CFAP54: variants seen among roughly 807,000 people sequenced by gnomAD.
CFAP54 encodes cilia and flagella associated protein 54.
Under a neutral mutation model 370.4 loss-of-function variants are expected in CFAP54, and 290 were observed. That is an observed-to-expected ratio of 0.78 (90% CI 0.71 to 0.86). The LOEUF (loss-of-function observed/expected upper bound fraction) is 0.86. CFAP54 is among the 40% of genes least tolerant of loss of function. The pLI, the probability that CFAP54 is intolerant of heterozygous loss-of-function variation, is 0.00. For synonymous variants in CFAP54, 1,206 were observed against 1,236.5 expected, an observed-to-expected ratio of 0.98 and a Z score of 0.52; for missense variants, 3,399 against 3,528.7, an observed-to-expected ratio of 0.96 and a Z score of 0.93.
In CFAP54 at chr12:96,654,832, A is replaced by ATTTTTTTTTTTTTT. The variant is rs10631171; in HGVS notation, c.5100+3020_5100+3033dup. Reference sequence around the variant, plus strand: ...TTTTGTGTCTGGCTCATTTCACTTAATTTTTTTTTTTTTTTTAAGAAATGA... The same window carrying ATTTTTTTTTTTTTT: ...TTTTGTGTCTGGCTCATTTCACTTAATTTTTTTTTTTTTTTTTTTTTTTTTTTTTTAAGAAATGA... On this transcript the variant is annotated intron_variant, in intron 36 of 67. Coordinates refer to ENST00000524981, the MANE Select transcript of CFAP54 (RefSeq NM_001306084.2). Among the ~76,000 whole-genome samples the ATTTTTTTTTTTTTT allele has an allele frequency of 6.6e-4, 87 of 132,082 alleles. 2 individuals are homozygous for ATTTTTTTTTTTTTT. The highest frequency in any genetic ancestry group is 2.1e-3 in the African/African-American group (80 of 37,722). 86.7% of individuals were successfully genotyped at this position (132,082 alleles called of 152,430 possible).
intron 46 of CFAP54, among the ~76,000 whole-genome samples, chr12:96,704,061 C>G (rs1957519368): frequency 6.6e-6 from 1 of 152,028 alleles, no homozygotes; most frequent in Non-Finnish European, 1.5e-5. Flanking sequence ...CTGAAGTTTA[C>G]AAATAATGAT....
At chr12:96,529,602 A>G (rs897725271) in intron 9 of CFAP54, among the ~76,000 whole-genome samples, 8 of 152,202 alleles carry the variant, frequency 5.3e-5, no homozygotes, top group Non-Finnish European at 1.0e-4. Flanking sequence ...CTGATGACTA[A>G]TAAAGTTAAA....
intron 52 of CFAP54, among the ~76,000 whole-genome samples, chr12:96,742,810 G>A (rs1958067402): frequency 6.6e-6 from 1 of 152,098 alleles, no homozygotes; most frequent in African/African-American, 2.4e-5. Context: ...AACAGATAAA[G>A]CAATTTCATA....
intron 50 of CFAP54, among the ~76,000 whole-genome samples, chr12:96,732,748 T>C (rs1387771516): frequency 6.6e-6 from 1 of 152,194 alleles, no homozygotes; most frequent in Admixed American, 6.5e-5. Context: ...TAGCTATCTT[T>C]AAGGACACAT....
chr12:96,732,912 T>C (rs1471564001), intron 50 of CFAP54, among the ~76,000 whole-genome samples: 2 of 152,188 alleles, frequency 1.3e-5, no homozygotes, highest in East Asian at 3.8e-4. Context: ...CTAGAAAATA[T>C]TTATCAATAC....
chr12:96,856,090 G>T (rs1959696802), intron 66 of CFAP54, among the ~76,000 whole-genome samples: 3 of 152,134 alleles, frequency 2.0e-5, no homozygotes, highest in Admixed American at 2.0e-4. Flanking sequence ...TGATGCCATG[G>T]CCTGAGCTGT....
intron 50 of CFAP54, among the ~76,000 whole-genome samples, chr12:96,726,955 C>G (rs371051885): frequency 1.4e-4 from 21 of 152,146 alleles, no homozygotes; most frequent in African/African-American, 2.4e-4. Flanking sequence ...TTCAGGAGCA[C>G]GTTGTTCAGT....
intron 32 of CFAP54, among the ~76,000 whole-genome samples, chr12:96,630,940 T>C (rs982297628): frequency 6.6e-6 from 1 of 151,980 alleles, no homozygotes; most frequent in African/African-American, 2.4e-5. Context: ...GAGAACAAAT[T>C]GGTAAATTAT....
chr12:96,668,334 A>G (rs1398121274), intron 39 of CFAP54, among the ~76,000 whole-genome samples: 1 of 152,198 alleles, frequency 6.6e-6, no homozygotes. Flanking sequence ...TCATGCTGCT[A>G]ATAAAGACTT....
At chr12:96,871,637 T>C (rs548258056) in intron 67 of CFAP54, among the ~76,000 whole-genome samples, 181 of 152,146 alleles carry the variant, frequency 1.2e-3, no homozygotes, top group African/African-American at 4.1e-3. Context: ...ATAATATACA[T>C]GTAAAATAAT....
chr12:96,602,274 GT>G (rs1956250927), intron 26 of CFAP54, among the ~76,000 whole-genome samples: 1 of 152,196 alleles, frequency 6.6e-6, no homozygotes, highest in Non-Finnish European at 1.5e-5. Flanking sequence ...TTTTGAGTGA[GT>G]TTCTTAATCC....
At chr12:96,588,150 T>A (rs945701506) in intron 22 of CFAP54, among the ~76,000 whole-genome samples, 1 of 151,408 alleles carries the variant, frequency 6.6e-6, no homozygotes, top group Non-Finnish European at 1.5e-5. Flanking sequence ...TTTCTTTTCA[T>A]TTTTTTTTCA....
intron 1 of CFAP54, 146 bp downstream of exon 1, chr12:96,490,072 A>G: frequency 2.8e-6 from 2 of 708,388 alleles, no homozygotes; most frequent in Non-Finnish European, 4.6e-6. Context: ...ACAAAGTTTA[A>G]GAAGTGGAGA....
At chr12:96,871,871 G>A (rs1054104394) in intron 67 of CFAP54, among the ~76,000 whole-genome samples, 2 of 152,008 alleles carry the variant, frequency 1.3e-5, no homozygotes, top group African/African-American at 4.8e-5. Context: ...AGAAAAAAAT[G>A]ATTTTCAAAA....
intron 15 of CFAP54, among the ~76,000 whole-genome samples, chr12:96,552,263 AAAAG>A (rs1592847404): frequency 6.6e-6 from 1 of 151,878 alleles, no homozygotes; most frequent in East Asian, 1.9e-4. Flanking sequence ...AAAAAAAAAA[AAAAG>A]AATAAAAGAA....
chr12:96,532,349 G>A (rs991508943), intron 9 of CFAP54, among the ~76,000 whole-genome samples: 4 of 152,200 alleles, frequency 2.6e-5, no homozygotes, highest in African/African-American at 4.8e-5. Flanking sequence ...TGAGTTTAGT[G>A]TGTGGGTGTG....
intron 19 of CFAP54, among the ~76,000 whole-genome samples, chr12:96,569,073 A>G (rs909305225): frequency 5.0e-4 from 52 of 103,580 alleles, no homozygotes; most frequent in Non-Finnish European, 9.0e-4. Context: ...CTGGTCAAAT[A>G]TAGTATCATT....
chr12:96,548,851 G>GGT (rs986616040), intron 15 of CFAP54, among the ~76,000 whole-genome samples: 1 of 151,302 alleles, frequency 6.6e-6, no homozygotes, highest in Admixed American at 6.6e-5. Flanking sequence ...AAGTTCCTCC[G>GGT]GTAGATTTTT....
At chr12:96,809,170 CT>C (rs1958908218) in intron 63 of CFAP54, among the ~76,000 whole-genome samples, 1 of 152,232 alleles carries the variant, frequency 6.6e-6, no homozygotes, top group Non-Finnish European at 1.5e-5. Context: ...TGGTGTGAGT[CT>C]TTCATCTGTT....
Sources: allele counts gnomAD v4.1 joint callset (sites outside exome capture counted in the v4.1 genomes callset), GRCh38; gene constraint gnomAD v4.1.1; transcripts MANE v1.5; gene names NCBI Gene and HGNC (gene_info 2026-07-23, HGNC 2026-07-21).